The following ZZEF1 variants were observed in gnomAD, a reference collection of about 807,000 sequenced individuals.
ZZEF1 encodes the protein zinc finger ZZ-type and EF-hand domain-containing protein 1.
A neutral mutation model predicts 342.8 loss-of-function variants in ZZEF1; 157 were observed. The observed-to-expected ratio is 0.46, with a 90% CI of 0.40 to 0.52. ZZEF1 has a LOEUF of 0.52. Ranked by LOEUF, ZZEF1 falls within the 20% of genes least tolerant of loss-of-function variation. The pLI is 0.00. For synonymous variants in ZZEF1, 1,505 were observed against 1,429.1 expected (o/e 1.05, Z -1.20); for missense variants, 3,480 against 3,725.6 (o/e 0.93, Z 1.72).
At chr17:4,009,813 T>C in intron 52 of ZZEF1, 56 bp from the exon 53 acceptor site, 1 of 1,585,878 alleles carries the variant, frequency 6.3e-7, no homozygotes, top group South Asian at 1.1e-5. Context: ...CAAGGTCACA[T>C]GGCTTACAGC....
At position 4,109,584 on chromosome 17, in the gene ZZEF1, T is replaced by C; in HGVS notation, c.1277+69A>G. The C allele has an allele frequency of 3.3e-6, 5 of 1,519,716 alleles. No individual in the cohort carries two copies. The South Asian group carries it at 5.7e-5, about 17-fold the overall frequency. The allele number at this position is 1,519,716 out of a possible 1,614,324, so 94.1% of individuals were successfully genotyped here. On this transcript the variant is annotated intron_variant, in intron 6 of 54. Transcript: ENST00000381638. ...TCAATGATGGAAGGCTGCTCAGTGA[T>C]ACGCCCTAAAGGATGATGGGAGAAT... is the stretch of plus-strand genomic sequence containing the variant.
Position 4,049,859 on chromosome 17 carries a change from C to A in ZZEF1, c.5864G>T (p.Gly1955Val). ...DCLMKAHQGK[G>V]LKALALLGVL... ...ACCCAGCAAAGCTAGAGCTTTAAGGCCTATGTGGGAAGCAAATCAGAGAAT... is the reference window on the plus strand; with the variant it reads ...ACCCAGCAAAGCTAGAGCTTTAAGGACTATGTGGGAAGCAAATCAGAGAAT... Residue 1955 changes from glycine to valine, a missense_variant and splice_region_variant, in exon 37 of 55, where the codon GGC (glycine) becomes GTC (valine). By Grantham distance (109) the Gly-to-Val change is moderately radical. Transcript: ENST00000381638. 1 of 1,612,868 alleles carries A rather than the reference C, an allele frequency of 6.2e-7. No individual in the cohort carries two copies. Among genetic ancestry groups the A allele is most frequent in the Non-Finnish European group, 8.5e-7 (1 of 1,179,654 alleles).
intron 42 of ZZEF1, 40 bp downstream of exon 42, chr17:4,032,086 T>A: frequency 6.3e-7 from 1 of 1,598,042 alleles, no homozygotes. Flanking sequence ...GATTAGGCAT[T>A]TTTCTTCCAT....
At chr17:4,128,845 T>C (rs140753911) in intron 1 of ZZEF1, among the ~76,000 whole-genome samples, 2,154 of 145,680 alleles carry the variant, frequency 0.015, 25 homozygotes, top group Middle Eastern at 0.072. Flanking sequence ...GATCTCGGCT[T>C]ACTGCAACCT....
chr17:4,056,247 A>C lies in ZZEF1; in HGVS notation c.5264T>G (p.Ile1755Arg). 6.3e-7 allele frequency: 1 copy of C among 1,589,628 alleles called. No individual in the cohort carries two copies. Among genetic ancestry groups the C allele is most frequent in the Non-Finnish European group, 8.6e-7 (1 of 1,167,768 alleles). The change falls in exon 33 of 55, where the codon ATA (isoleucine) becomes AGA (arginine). Residue 1755 changes from isoleucine (I) to arginine (R), a missense_variant. Physicochemically the swap from Ile to Arg is moderately conservative, Grantham distance 97 (BLOSUM62 -3). This residue lies in a region of ZZEF1 where 175 missense variants were observed against 254.6 expected (regional missense o/e 0.69). Coordinates refer to ENST00000381638, the MANE Select transcript of ZZEF1 (RefSeq NM_015113.4). ...CTGCTTCTCTGGATCTTCCTGGGCT[A>C]TTTTTTCATACCAGGCCTCAAACAT... ...DGMFEAWYEKIAQEDPEKQRK... is the reference protein window; with the variant it reads ...DGMFEAWYEKRAQEDPEKQRK...
intron 2 of ZZEF1, among the ~76,000 whole-genome samples, chr17:4,122,326 CGT>C (rs2058496258): frequency 6.6e-6 from 1 of 151,692 alleles, no homozygotes; most frequent in Non-Finnish European, 1.5e-5. Context: ...TCTGTCTTTA[CGT>C]GTAAGTCTGA....
In ZZEF1 at chr17:4,081,429, T is replaced by C. The variant is rs545730709; in HGVS notation, c.2776A>G (p.Ile926Val). ...TCCATGACCGCCAGGACTTCACTGA[T>C]GTTCATCTTGGCCAGGTCGTTCTTC... ...PEKNDLAKMN[I>V]SEVLAVMDTL... The change falls in exon 18 of 55, where the codon ATC becomes GTC. Residue 926 changes from isoleucine (I) to valine (V), a missense_variant. By Grantham distance (29) the Ile-to-Val change is conservative (BLOSUM62 3). This residue lies in a region of ZZEF1 where 1,528 missense variants were observed against 1,624.1 expected (regional missense o/e 0.94). Coordinates refer to ENST00000381638, the MANE Select transcript of ZZEF1 (RefSeq NM_015113.4). The C allele has an allele frequency of 1.2e-6, 2 of 1,614,058 alleles. No individual in the cohort carries two copies. The highest frequency in any genetic ancestry group is 1.7e-6 in the Non-Finnish European group (2 of 1,180,016).
chr17:4,006,800 G>A lies in ZZEF1; in HGVS notation c.*90C>T, dbSNP rs2055810306. On this transcript the variant is annotated 3_prime_UTR_variant, in exon 55 of 55. Coordinates refer to ENST00000381638, the MANE Select transcript of ZZEF1 (RefSeq NM_015113.4). ...TCAGCTCAAGGAGAGCTGGGCACTG[G>A]CGCTACAGGAGTTTTCCTGAATGAG... is the stretch of plus-strand genomic sequence containing the variant. 1.4e-6 allele frequency: 2 copies of A among 1,382,546 alleles called. No homozygotes were observed. Among genetic ancestry groups the A allele is most frequent in the Non-Finnish European group, 2.0e-6 (2 of 994,218 alleles). The allele number at this position is 1,382,546 out of a possible 1,614,324, so 85.6% of individuals were successfully genotyped here.
At chr17:4,106,555 T>C (rs919740622) in intron 6 of ZZEF1, among the ~76,000 whole-genome samples, 3 of 152,100 alleles carry the variant, frequency 2.0e-5, no homozygotes, top group Non-Finnish European at 4.4e-5. Context: ...GCCATGAATG[T>C]TATGTTCTCT....
At chr17:4,139,650 C>A (rs181704921) in intron 1 of ZZEF1, among the ~76,000 whole-genome samples, 2 of 152,296 alleles carry the variant, frequency 1.3e-5, no homozygotes, top group Non-Finnish European at 2.9e-5. Context: ...TTTGGCTAGT[C>A]CTAACTTACT....
At chr17:4,096,548 A>G in intron 10 of ZZEF1, 61 bp downstream of exon 10, 1 of 1,373,966 alleles carries the variant, frequency 7.3e-7, no homozygotes, top group Non-Finnish European at 1.0e-6. Context: ...CCTACTATGT[A>G]CCCATAAAAA....
intron 39 of ZZEF1, among the ~76,000 whole-genome samples, chr17:4,040,719 T>C (rs141417475): frequency 2.0e-5 from 3 of 152,300 alleles, no homozygotes; most frequent in African/African-American, 7.2e-5. Context: ...GGAGCAGGGC[T>C]GGGATGGGGA....
chr17:4,137,437 C>A (rs563846865), intron 1 of ZZEF1, among the ~76,000 whole-genome samples: 5 of 151,988 alleles, frequency 3.3e-5, no homozygotes, highest in Non-Finnish European at 5.9e-5. Context: ...GGTGAAACCC[C>A]GTCTCTTACT....
intron 37 of ZZEF1, among the ~76,000 whole-genome samples, chr17:4,048,430 G>A (rs147344457): frequency 8.2e-4 from 125 of 152,290 alleles, no homozygotes; most frequent in African/African-American, 3.0e-3. Flanking sequence ...GACAGACAGA[G>A]GACAGCAACA....
intron 25 of ZZEF1, chr17:4,071,205 T>C (rs1597847661): frequency 2.9e-6 from 1 of 343,142 alleles, no homozygotes; most frequent in African/African-American, 2.2e-5. Flanking sequence ...AGGAGAGAGA[T>C]CCTGGTAGGT....
chr17:4,062,982 C>A, intron 29 of ZZEF1, 65 bp from the exon 30 acceptor site: 1 of 1,519,182 alleles, frequency 6.6e-7, no homozygotes, highest in Non-Finnish European at 8.9e-7. Flanking sequence ...CGGAAAATAT[C>A]CCCGCCAAAG....
At chr17:4,022,153 C>T (rs1014922459) in intron 44 of ZZEF1, among the ~76,000 whole-genome samples, 1 of 152,118 alleles carries the variant, frequency 6.6e-6, no homozygotes, top group African/African-American at 2.4e-5. Flanking sequence ...CCGCTCACTC[C>T]CTCCTATGTG....
chr17:4,045,402 G>A (rs572846498), intron 37 of ZZEF1, among the ~76,000 whole-genome samples: 3 of 152,286 alleles, frequency 2.0e-5, no homozygotes, highest in South Asian at 4.1e-4. Flanking sequence ...ACACTCTGGT[G>A]ACTATCGTTA....
At position 4,075,434 on chromosome 17, in the gene ZZEF1, G is replaced by A. The variant is rs1416679825; in HGVS notation, c.3235-5C>T. ...TTGCCAGGTCTCAACATCCAGCTATGATAACAAATGAGCCAGGGGAAAGAA... is the reference window on the plus strand; with the variant it reads ...TTGCCAGGTCTCAACATCCAGCTATAATAACAAATGAGCCAGGGGAAAGAA... On this transcript the variant is annotated splice_region_variant and splice_polypyrimidine_tract_variant and intron_variant, in intron 21 of 54. Coordinates refer to ENST00000381638, the MANE Select transcript of ZZEF1 (RefSeq NM_015113.4). 3.1e-6 allele frequency: 5 copies of A among 1,612,758 alleles called. No individual in the cohort carries two copies.
Sources: gnomAD v4.1 joint callset for allele counts (sites outside exome capture counted in the v4.1 genomes callset) on GRCh38, gnomAD v4.1.1 for gene constraint, gnomAD v4.1.1 regional missense constraint, MANE v1.5 for transcripts, NCBI Gene and HGNC (gene_info 2026-07-23, HGNC 2026-07-21) for gene names.